The following KLF13 variants were observed in gnomAD, a reference collection of about 807,000 sequenced individuals.
The protein encoded by KLF13 is KLF transcription factor 13.
In KLF13, 8 loss-of-function variants were observed where a neutral mutation model predicts 16.7. That is an observed-to-expected ratio of 0.48 (90% CI 0.28 to 0.87). KLF13 has a LOEUF of 0.87. Among genes scored for constraint, KLF13 ranks in the 40% least tolerant of loss-of-function variants. The pLI, the probability that KLF13 is intolerant of heterozygous loss-of-function variation, is 0.10. For missense variants in KLF13, 447 were observed against 452.2 expected, an observed-to-expected ratio of 0.99 and a Z score of 0.10; for synonymous variants, 245 against 208.4, an observed-to-expected ratio of 1.18 and a Z score of -1.51.
Position 31,348,884 on chromosome 15 carries a change from A to G in KLF13, c.577+21095A>G, listed in dbSNP as rs924112975. 5.3e-5 allele frequency among the ~76,000 whole-genome samples: 8 copies of G among 152,332 alleles called. No individual in the cohort carries two copies. In the East Asian group the frequency reaches 1.2e-3, roughly 22 times the overall value. On this transcript the variant is annotated intron_variant, in intron 1 of 1. Coordinates refer to ENST00000307145, the MANE Select transcript of KLF13 (RefSeq NM_015995.4). Reference sequence around the variant, plus strand: ...AGGACCCTCTTCCTGGTTCGTAGACAGCTGTCTTCTTACTATAATGTCACA... The same window carrying G: ...AGGACCCTCTTCCTGGTTCGTAGACGGCTGTCTTCTTACTATAATGTCACA...
At chr15:31,370,044 C>CTTTT (rs912005994) in intron 1 of KLF13, among the ~76,000 whole-genome samples, 4 of 99,282 alleles carry the variant, frequency 4.0e-5, no homozygotes, top group Admixed American at 9.7e-5. Context: ...TCTCCTTTTT[C>CTTTT]TTTTTTTTTT....
intron 1 of KLF13, among the ~76,000 whole-genome samples, chr15:31,338,477 C>A (rs1490067741): frequency 6.6e-6 from 1 of 152,208 alleles, no homozygotes; most frequent in East Asian, 1.9e-4. Flanking sequence ...GGCTGCAGCA[C>A]AATGTTTGTT....
At chr15:31,391,424 C>T (rs1452299010), upstream of KLF13, among the ~76,000 whole-genome samples, 282 of 95,398 alleles carry the variant, frequency 3.0e-3, no homozygotes, top group Middle Eastern at 0.023. Context: ...GGGGGGATCT[C>T]TGTTGGGGGG....
intron 1 of KLF13, among the ~76,000 whole-genome samples, chr15:31,418,543 C>T (rs1464477328): frequency 6.6e-6 from 1 of 152,102 alleles, no homozygotes; most frequent in Non-Finnish European, 1.5e-5. Context: ...TGAAAGAGGA[C>T]TATCACTATC....
chr15:31,339,965 C>T lies in KLF13; in HGVS notation c.577+12176C>T, dbSNP rs146091763. Reference sequence around the variant, plus strand: ...ACCCATGGATTATCTTGTAAAGAGTCACCTGCCCCATGGAGGAGCCAGGTG... The same window carrying T: ...ACCCATGGATTATCTTGTAAAGAGTTACCTGCCCCATGGAGGAGCCAGGTG... On this transcript the variant is annotated intron_variant, in intron 1 of 1. Transcript: ENST00000307145. 1,309 of 702,378 alleles carry T rather than the reference C, an allele frequency of 1.9e-3. 5 individuals carry two copies. Among genetic ancestry groups the T allele is most frequent in the Non-Finnish European group, 2.9e-3 (1,126 of 384,828 alleles). 43.5% of individuals were successfully genotyped at this position (702,378 alleles called of 1,614,324 possible).
downstream of KLF13, among the ~76,000 whole-genome samples, chr15:31,407,005 T>C (rs2040137313): frequency 6.6e-6 from 1 of 152,250 alleles, no homozygotes. Context: ...AAAGTCCCTT[T>C]TTCCATGTGA....
chr15:31,431,744 G>A (rs1188900273), intron 1 of KLF13, among the ~76,000 whole-genome samples: 2 of 152,194 alleles, frequency 1.3e-5, no homozygotes, highest in Admixed American at 1.3e-4. Context: ...GATTACAGGC[G>A]TGAGCCACCG....
At chr15:31,364,084 A>G (rs11855192) in intron 1 of KLF13, among the ~76,000 whole-genome samples, 5,133 of 110,118 alleles carry the variant, frequency 0.047, 283 homozygotes, top group African/African-American at 0.15. Flanking sequence ...TTCACTGGCC[A>G]GTGATCAGCT....
At chr15:31,354,490 C>T (rs1480682195) in intron 1 of KLF13, among the ~76,000 whole-genome samples, 1 of 152,218 alleles carries the variant, frequency 6.6e-6, no homozygotes, top group Non-Finnish European at 1.5e-5. Flanking sequence ...AAGCAATTCT[C>T]CTGCCTCAGC....
At position 31,367,706 on chromosome 15, in the gene KLF13, C is replaced by A. The variant is rs376980832; in HGVS notation, c.578-4304C>A. Among the ~76,000 whole-genome samples the A allele has an allele frequency of 1.2e-4, 19 of 152,298 alleles. No individual in the cohort carries two copies. In the East Asian group the frequency reaches 3.5e-3, roughly 28 times the overall value. On this transcript the variant is annotated intron_variant, in intron 1 of 1. Coordinates refer to ENST00000307145, the MANE Select transcript of KLF13 (RefSeq NM_015995.4). The stretch of plus-strand genomic sequence containing the variant: ...ATCAGAGGAGACCCAGTTGACAGGG[C>A]TAATGACTAAGAGCAACAATAACAG...
intron 1 of KLF13, among the ~76,000 whole-genome samples, chr15:31,355,608 A>G (rs1375090456): frequency 6.6e-6 from 1 of 152,032 alleles, no homozygotes; most frequent in Non-Finnish European, 1.5e-5. Context: ...GTTAGGCATT[A>G]TCTCCTGACT....
intron 1 of KLF13, among the ~76,000 whole-genome samples, chr15:31,425,974 T>C (rs1955340742): frequency 6.6e-6 from 1 of 152,214 alleles, no homozygotes; most frequent in African/African-American, 2.4e-5. Flanking sequence ...CCCTAAATTA[T>C]TTTTCTCAAG....
intron 1 of KLF13, among the ~76,000 whole-genome samples, chr15:31,332,385 C>T (rs759589407): frequency 2.0e-5 from 3 of 152,252 alleles, no homozygotes; most frequent in South Asian, 4.1e-4. Context: ...CACTCCCGCA[C>T]GCCTGGTGGC....
intron 1 of KLF13, among the ~76,000 whole-genome samples, chr15:31,330,728 G>A (rs1295867608): frequency 1.3e-5 from 2 of 152,204 alleles, no homozygotes; most frequent in African/African-American, 2.4e-5. Context: ...TGGACACATT[G>A]GTCTCTGTCA....
chr15:31,379,695 T>C (rs190824325), downstream of KLF13, among the ~76,000 whole-genome samples: 149 of 152,352 alleles, frequency 9.8e-4, no homozygotes, highest in African/African-American at 3.5e-3. Context: ...GCTTTCTTTT[T>C]GGACCAGGTC....
In KLF13 at chr15:31,340,037, AC is replaced by A. The variant is rs1038583932; in HGVS notation, c.577+12251del. On this transcript the variant is annotated intron_variant, in intron 1 of 1. Transcript: ENST00000307145. ...GTTTATTTTACTGTCAGTAGGGCTG[AC>A]CCAGGTTGCCCTGGTGGGTGGTGTG... The A allele has an allele frequency of 5.3e-5, 37 of 702,096 alleles. No homozygotes were observed. The African/African-American group carries it at 5.9e-4, about 11-fold the overall frequency. 43.5% of individuals were successfully genotyped at this position (702,096 alleles called of 1,614,324 possible).
chr15:31,393,959 ATCTCAGGG>A (rs2039914873), intron 2 of KLF13, among the ~76,000 whole-genome samples: 1 of 152,168 alleles, frequency 6.6e-6, no homozygotes, highest in East Asian at 1.9e-4. Context: ...TTGCCCTTGC[ATCTCAGGG>A]GGCTCCCACA....
intron 1 of KLF13, chr15:31,420,556 C>T: frequency 2.0e-6 from 1 of 508,220 alleles, no homozygotes; most frequent in Non-Finnish European, 3.7e-6. Flanking sequence ...GAGAACCCAA[C>T]ATTGATAGCC....
chr15:31,420,438 A>G, intron 1 of KLF13: 1 of 934,122 alleles, frequency 1.1e-6, no homozygotes, highest in Non-Finnish European at 1.7e-6. Flanking sequence ...TCCTGCTACC[A>G]CCCCAACATA....
Sources: allele counts gnomAD v4.1 joint callset (sites outside exome capture counted in the v4.1 genomes callset), GRCh38; gene constraint gnomAD v4.1.1; transcripts MANE v1.5; gene names NCBI Gene and HGNC (gene_info 2026-07-23, HGNC 2026-07-21).